NCKAP5: variants seen among roughly 807,000 people sequenced by gnomAD.
NCKAP5 encodes NCK associated protein 5, also known as nck-associated protein 5.
Under a neutral mutation model 167.0 loss-of-function variants are expected in NCKAP5, and 92 were observed. The ratio of observed to expected loss-of-function variants is 0.55; its 90% confidence interval spans 0.47 to 0.66. NCKAP5 has a LOEUF of 0.66. Among genes scored for constraint, NCKAP5 ranks in the 30% least tolerant of loss-of-function variants. The pLI, the probability that NCKAP5 is intolerant of heterozygous loss-of-function variation, is 0.00. For synonymous variants in NCKAP5, 891 were observed against 877.4 expected (o/e 1.02, Z -0.27); for missense variants, 2,378 against 2,315.0 (o/e 1.03, Z -0.56).
At chr2:133,673,453 C>T in the NCKAP5 span, among the ~76,000 whole-genome samples, 7 of 152,164 alleles carry the variant, frequency 4.6e-5, no homozygotes, top group Non-Finnish European at 4.4e-5. Flanking sequence ...AAACACAGCC[C>T]ACCAAGCACA....
At position 133,534,904 on chromosome 2, in the gene NCKAP5, C is replaced by T. The variant is rs147522705; in HGVS notation, c.-61-17317G>A. 1.3e-3 allele frequency among the ~76,000 whole-genome samples: 203 copies of T among 152,274 alleles called. 1 individual carries two copies. Among genetic ancestry groups the T allele is most frequent in the African/African-American group, 4.5e-3 (188 of 41,558 alleles). On this transcript the variant is annotated intron_variant, in intron 2 of 19. Transcript: ENST00000409261. Reference sequence around the variant, plus strand: ...TTTATCAGTTTGAGGAAATGCCAAACTGTTTTCCAAAGTGGCTGCATCATT... The same window carrying T: ...TTTATCAGTTTGAGGAAATGCCAAATTGTTTTCCAAAGTGGCTGCATCATT...
the NCKAP5 span, among the ~76,000 whole-genome samples, chr2:133,594,896 TCA>T: frequency 6.6e-6 from 1 of 152,160 alleles, no homozygotes; most frequent in African/African-American, 2.4e-5. Context: ...ATTCATTCAT[TCA>T]TTCATTCGAC....
chr2:133,389,796 A>T (rs138094545), intron 3 of NCKAP5, among the ~76,000 whole-genome samples: 3 of 152,126 alleles, frequency 2.0e-5, no homozygotes, highest in African/African-American at 7.2e-5. Flanking sequence ...GAAGACTCCA[A>T]TGTTGAGCAA....
rs1558776990 is a variant in NCKAP5 at position 133,550,435 on chromosome 2, G to T, written c.-62+8615C>A. ...GGCTTCAACCCTGGGATGCAAGTCT[G>T]GTTCAATATATGCAAATCAATAAAT... is the stretch of plus-strand genomic sequence containing the variant. On this transcript the variant is annotated intron_variant, in intron 2 of 19. Coordinates refer to ENST00000409261, the MANE Select transcript of NCKAP5 (RefSeq NM_207363.3). Among the ~76,000 whole-genome samples, 5 of 151,936 alleles carry T rather than the reference G, an allele frequency of 3.3e-5. No homozygotes were observed. In the South Asian group the frequency reaches 1.0e-3, roughly 32 times the overall value.
chr2:133,043,732 T>G (rs544705725), intron 6 of NCKAP5, among the ~76,000 whole-genome samples: 4 of 152,292 alleles, frequency 2.6e-5, no homozygotes, highest in African/African-American at 9.6e-5. Flanking sequence ...ACTAAGTACG[T>G]AATAAATGCT....
At chr2:133,237,184 T>C (rs1006185469) in intron 4 of NCKAP5, among the ~76,000 whole-genome samples, 4 of 152,300 alleles carry the variant, frequency 2.6e-5, no homozygotes, top group East Asian at 1.9e-4. Flanking sequence ...AAAAAAGCTG[T>C]ACTTTGATAC....
chr2:133,588,090 G>A, the NCKAP5 span, among the ~76,000 whole-genome samples: 1 of 152,064 alleles, frequency 6.6e-6, no homozygotes, highest in African/African-American at 2.4e-5. Context: ...GTGTGTGTAT[G>A]TCTGTATACA....
chr2:133,594,384 T>TC, the NCKAP5 span, among the ~76,000 whole-genome samples: 2 of 152,144 alleles, frequency 1.3e-5, no homozygotes, highest in Admixed American at 6.6e-5. Flanking sequence ...TTCTTGGCAC[T>TC]CCCTGACATG....
At chr2:133,317,212 G>C (rs1305661266) in intron 3 of NCKAP5, among the ~76,000 whole-genome samples, 1 of 152,154 alleles carries the variant, frequency 6.6e-6, no homozygotes, top group African/African-American at 2.4e-5. Context: ...GTTTCCATTT[G>C]ATTGACAAAA....
In NCKAP5 at chr2:132,731,941, C is replaced by A. The variant is rs967913591; in HGVS notation, c.5239G>T (p.Asp1747Tyr). The change falls in exon 17 of 20, where the codon GAC (aspartate) becomes TAC (tyrosine). Residue 1747 changes from aspartate to tyrosine, a missense_variant. By Grantham distance (160) the Asp-to-Tyr change is radical. Coordinates refer to ENST00000409261, the MANE Select transcript of NCKAP5 (RefSeq NM_207363.3). Reference protein sequence around the residue: ...RYLCQPDSPEDAEPLLPLQSA... With the variant: ...RYLCQPDSPEYAEPLLPLQSA... ...TGGAGAGGCAGGAGAGGCTCAGCGT[C>A]CTCTGGGGAGTCTGGCTGGCATAGG... 9.3e-6 allele frequency: 15 copies of A among 1,613,796 alleles called. No individual in the cohort carries two copies. Among genetic ancestry groups the A allele is most frequent in the Non-Finnish European group, 1.3e-5 (15 of 1,179,888 alleles).
intron 3 of NCKAP5, among the ~76,000 whole-genome samples, chr2:133,477,163 G>A (rs994381580): frequency 3.3e-5 from 5 of 152,204 alleles, no homozygotes; most frequent in Admixed American, 3.3e-4. Flanking sequence ...AAGTCATTGT[G>A]CTACGAGACT....
intron 19 of NCKAP5, among the ~76,000 whole-genome samples, chr2:132,719,274 T>TA (rs1229635417): frequency 6.6e-6 from 1 of 152,212 alleles, no homozygotes; most frequent in Non-Finnish European, 1.5e-5. Context: ...AAATTTTAAG[T>TA]AAAACAAAAT....
At chr2:133,118,933 A>G (rs1164583691) in intron 6 of NCKAP5, 2 of 152,156 alleles carry the variant, frequency 1.3e-5, no homozygotes, top group African/African-American at 4.8e-5. Flanking sequence ...AGAGGCACTA[A>G]TGACATAAAC....
intron 3 of NCKAP5, among the ~76,000 whole-genome samples, chr2:133,408,073 G>T (rs1056009608): frequency 6.6e-6 from 1 of 152,126 alleles, no homozygotes; most frequent in Non-Finnish European, 1.5e-5. Flanking sequence ...GAACTTCAGT[G>T]GTTTCCCTGG....
chr2:132,767,349 C>T (rs11686201), intron 16 of NCKAP5, among the ~76,000 whole-genome samples: 30,020 of 152,088 alleles, frequency 0.2, 3,511 homozygotes, highest in Non-Finnish European at 0.27. Context: ...CAGATTCAAG[C>T]GACTCTCCTG....
At chr2:133,215,691 G>A (rs2086397248) in intron 4 of NCKAP5, among the ~76,000 whole-genome samples, 1 of 152,174 alleles carries the variant, frequency 6.6e-6, no homozygotes, top group African/African-American at 2.4e-5. Context: ...CTGCAAATAT[G>A]CTGTTGAGTA....
intron 6 of NCKAP5, among the ~76,000 whole-genome samples, chr2:133,104,052 G>A (rs1222409483): frequency 6.6e-6 from 1 of 151,050 alleles, no homozygotes; most frequent in African/African-American, 2.4e-5. Context: ...CCATATTTCT[G>A]GCCCAGAGCT....
At chr2:133,407,569 G>A (rs992960062) in intron 3 of NCKAP5, among the ~76,000 whole-genome samples, 1 of 152,160 alleles carries the variant, frequency 6.6e-6, no homozygotes, top group African/African-American at 2.4e-5. Flanking sequence ...CACTTAACAC[G>A]CTGAGCCCAG....
At chr2:133,175,472 G>T (rs1037646183) in intron 5 of NCKAP5, among the ~76,000 whole-genome samples, 33 of 152,210 alleles carry the variant, frequency 2.2e-4, no homozygotes, top group African/African-American at 7.9e-4. Flanking sequence ...GAATTCTTCT[G>T]TCTTTTCCTC....
Sources: allele counts gnomAD v4.1 joint callset (sites outside exome capture counted in the v4.1 genomes callset), GRCh38; gene constraint gnomAD v4.1.1; transcripts MANE v1.5; gene names NCBI Gene and HGNC (gene_info 2026-07-23, HGNC 2026-07-21).